NAA20: variants seen among roughly 807,000 people sequenced by gnomAD.
NAA20 encodes N-alpha-acetyltransferase 20.
A neutral mutation model predicts 23.8 loss-of-function variants in NAA20; 24 were observed. The ratio of observed to expected loss-of-function variants is 1.01; its 90% CI spans 0.73 to 1.42. NAA20 has a LOEUF of 1.42. Ranked by LOEUF, NAA20 falls within the 40% of genes most tolerant of loss-of-function variation. NAA20 has a pLI of 0.00. For synonymous variants in NAA20, 83 were observed against 77.7 expected (o/e 1.07, Z -0.36); for missense variants, 166 against 223.1 (o/e 0.74, Z 1.63).
At chr20:20,021,690 G>T (rs920247317) in intron 1 of NAA20, among the ~76,000 whole-genome samples, 1 of 152,200 alleles carries the variant, frequency 6.6e-6, no homozygotes, top group Non-Finnish European at 1.5e-5. Context: ...ACAGAAATAT[G>T]ATATGACTAG....
intron 4 of NAA20, among the ~76,000 whole-genome samples, chr20:20,027,137 G>C (rs1414730957): frequency 2.6e-5 from 4 of 152,150 alleles, no homozygotes; most frequent in Non-Finnish European, 5.9e-5. Flanking sequence ...CCCGCTATAG[G>C]CCTATAAGCT....
chr20:20,024,152 A>T (rs1235927219), intron 2 of NAA20, among the ~76,000 whole-genome samples: 1 of 152,232 alleles, frequency 6.6e-6, no homozygotes, highest in Non-Finnish European at 1.5e-5. Flanking sequence ...AAAGTTTGCT[A>T]ACCCCTGAGT....
At chr20:20,017,329 T>G (rs2043237644), upstream of NAA20, 1 of 1,597,984 alleles carries the variant, frequency 6.3e-7, no homozygotes, top group African/African-American at 1.3e-5. Context: ...GCGGCCACGC[T>G]CCGGGAGACT....
intron 4 of NAA20, among the ~76,000 whole-genome samples, chr20:20,028,898 A>C (rs6035524): frequency 0.012 from 1,754 of 152,318 alleles, 24 homozygotes; most frequent in African/African-American, 0.04. Context: ...AGTAATTACA[A>C]CAGTAAACGT....
At chr20:20,018,206 A>AT in intron 1 of NAA20, 1 of 807,816 alleles carries the variant, frequency 1.2e-6, no homozygotes, top group Non-Finnish European at 1.8e-6. Context: ...TGCAGGTACC[A>AT]ATTTTTTTTT....
intron 1 of NAA20, among the ~76,000 whole-genome samples, chr20:20,019,464 C>T (rs917553796): frequency 6.6e-6 from 1 of 152,146 alleles, no homozygotes; most frequent in African/African-American, 2.4e-5. Flanking sequence ...GAAAGGACAA[C>T]AGTTTTACAT....
chr20:20,022,784 G>A (rs2073122), intron 2 of NAA20: 18,398 of 280,596 alleles, frequency 0.066, 776 homozygotes, highest in East Asian at 0.15. Context: ...ACTTCAGCAA[G>A]GTGGCTGCAT....
chr20:20,026,684 A>G, intron 3 of NAA20, 100 bp from the exon 4 acceptor site: 1 of 1,487,642 alleles, frequency 6.7e-7, no homozygotes. Context: ...AAACTTCTTT[A>G]TTAGTTTCCT....
At chr20:20,017,603 C>T in intron 1 of NAA20, 154 bp downstream of exon 1, 1 of 1,316,584 alleles carries the variant, frequency 7.6e-7, no homozygotes, top group East Asian at 2.8e-5. Context: ...GGGCGCCTCC[C>T]TGGGGCCACA....
intron 2 of NAA20, among the ~76,000 whole-genome samples, chr20:20,024,282 A>AT (rs1297585182): frequency 1.3e-5 from 2 of 152,198 alleles, no homozygotes; most frequent in East Asian, 1.9e-4. Flanking sequence ...GATTTCAAAC[A>AT]TTTTTTTGAG....
chr20:20,018,950 C>T (rs1014312550), intron 1 of NAA20: 6 of 985,012 alleles, frequency 6.1e-6, no homozygotes, highest in Non-Finnish European at 7.2e-6. Flanking sequence ...TGCCTGTGGT[C>T]AGGGGACCAT....
chr20:20,022,541 G>C, intron 2 of NAA20, 61 bp downstream of exon 2: 4 of 1,414,634 alleles, frequency 2.8e-6, no homozygotes, highest in Non-Finnish European at 3.8e-6. Context: ...AAAGAAAACA[G>C]AAATGAAAGG....
intron 2 of NAA20, among the ~76,000 whole-genome samples, chr20:20,023,581 A>G (rs2043286548): frequency 6.6e-6 from 1 of 152,222 alleles, no homozygotes; most frequent in Non-Finnish European, 1.5e-5. Context: ...ATAACCCCAC[A>G]TCTCTAGTGG....
intron 4 of NAA20, among the ~76,000 whole-genome samples, chr20:20,030,097 ATT>A (rs990286799): frequency 1.1e-4 from 16 of 152,298 alleles, no homozygotes; most frequent in African/African-American, 3.9e-4. Context: ...TACACAAACT[ATT>A]TTGCACAAGC....
At chr20:20,027,577 G>A (rs1891179430) in intron 4 of NAA20, among the ~76,000 whole-genome samples, 1 of 152,022 alleles carries the variant, frequency 6.6e-6, no homozygotes, top group Admixed American at 6.6e-5. Context: ...TCATTAAGAG[G>A]AATGTAGCAT....
At chr20:20,029,911 T>C (rs779202787) in intron 4 of NAA20, among the ~76,000 whole-genome samples, 32 of 147,796 alleles carry the variant, frequency 2.2e-4, no homozygotes, top group Non-Finnish European at 4.2e-4. Flanking sequence ...GTTTTGTTTT[T>C]AACAACCATT....
upstream of NAA20, chr20:20,017,346 A>AGGGCGGGCGCGGGGTCT: frequency 1.9e-6 from 3 of 1,606,842 alleles, no homozygotes; most frequent in Non-Finnish European, 2.5e-6. Flanking sequence ...GACTTCCGGC[A>AGGGCGGGCGCGGGGTCT]GGGCGGGCGC....
intron 4 of NAA20, among the ~76,000 whole-genome samples, chr20:20,031,904 C>T (rs991023244): frequency 1.3e-5 from 2 of 152,180 alleles, no homozygotes; most frequent in Non-Finnish European, 2.9e-5. Context: ...TTACTCACTT[C>T]TGTGCAAGAG....
At chr20:20,031,689 A>G (rs889293936) in intron 4 of NAA20, among the ~76,000 whole-genome samples, 13 of 152,372 alleles carry the variant, frequency 8.5e-5, no homozygotes, top group Non-Finnish European at 1.6e-4. Flanking sequence ...TTCACAATAC[A>G]TAGAGAACTG....
Sources: gnomAD v4.1 joint callset for allele counts (sites outside exome capture counted in the v4.1 genomes callset) on GRCh38, gnomAD v4.1.1 for gene constraint, MANE v1.5 for transcripts, NCBI Gene and HGNC (gene_info 2026-07-23, HGNC 2026-07-21) for gene names.